The following ROBO1 variants were observed in gnomAD, a reference collection of about 807,000 sequenced individuals.
ROBO1 encodes the protein roundabout homolog 1.
Under a neutral mutation model 195.9 loss-of-function variants are expected in ROBO1, and 149 were observed. That is an observed-to-expected ratio of 0.76 (90% CI 0.67 to 0.87). The LOEUF is 0.87. Among genes scored for constraint, ROBO1 ranks in the 40% least tolerant of loss-of-function variants. ROBO1 has a pLI of 0.00. For missense variants in ROBO1, 1,933 were observed against 2,068.3 expected, an observed-to-expected ratio of 0.93 and a Z score of 1.27; for synonymous variants, 816 against 733.2, an observed-to-expected ratio of 1.11 and a Z score of -1.82.
chr3:78,819,993 G>A (rs901498920), intron 4 of ROBO1, among the ~76,000 whole-genome samples: 5 of 152,134 alleles, frequency 3.3e-5, no homozygotes, highest in African/African-American at 7.2e-5. Context: ...TCAGTTTTCC[G>A]TGTCTATAAA....
chr3:78,889,017 T>C (rs913827831), intron 4 of ROBO1, among the ~76,000 whole-genome samples: 3 of 152,156 alleles, frequency 2.0e-5, no homozygotes, highest in African/African-American at 7.2e-5. Flanking sequence ...ATGCCTTCTG[T>C]AGAAAGATAC....
At chr3:79,619,797 C>T (rs890140495) in intron 1 of ROBO1, among the ~76,000 whole-genome samples, 7 of 152,138 alleles carry the variant, frequency 4.6e-5, no homozygotes, top group Admixed American at 3.3e-4. Context: ...GGACAGAAAA[C>T]AGTCTTATTC....
At chr3:79,610,652 C>A (rs745944952) in intron 1 of ROBO1, among the ~76,000 whole-genome samples, 22 of 151,908 alleles carry the variant, frequency 1.4e-4, no homozygotes, top group Non-Finnish European at 3.1e-4. Flanking sequence ...GTTCTGTGAG[C>A]AAGCCTTCAG....
intron 2 of ROBO1, among the ~76,000 whole-genome samples, chr3:79,453,249 A>C (rs75456026): frequency 0.051 from 7,702 of 152,126 alleles, 533 homozygotes; most frequent in African/African-American, 0.15. Flanking sequence ...GCAACACCTG[A>C]GCCATCAAAT....
chr3:79,381,575 A>G (rs994041452), intron 2 of ROBO1, among the ~76,000 whole-genome samples: 2 of 151,702 alleles, frequency 1.3e-5, no homozygotes, highest in Non-Finnish European at 2.9e-5. Flanking sequence ...TTGAGCTGCC[A>G]CCTCCTATAT....
intron 1 of ROBO1, among the ~76,000 whole-genome samples, chr3:79,743,239 A>G (rs748804799): frequency 6.6e-6 from 1 of 152,190 alleles, no homozygotes; most frequent in Non-Finnish European, 1.5e-5. Flanking sequence ...AACATACCCT[A>G]TTGCTTCTAG....
chr3:78,772,568 C>T (rs2083402821), intron 4 of ROBO1, among the ~76,000 whole-genome samples: 1 of 151,912 alleles, frequency 6.6e-6, no homozygotes, highest in Non-Finnish European at 1.5e-5. Context: ...GATTTTTTTA[C>T]AGGTAAATCT....
chr3:78,884,949 G>T (rs1014547642), intron 4 of ROBO1, among the ~76,000 whole-genome samples: 1 of 150,678 alleles, frequency 6.6e-6, no homozygotes, highest in Non-Finnish European at 1.5e-5. Context: ...TTGTACGAAG[G>T]CTGCATGTTT....
At chr3:79,723,025 T>C (rs1702769774) in intron 1 of ROBO1, among the ~76,000 whole-genome samples, 1 of 152,206 alleles carries the variant, frequency 6.6e-6, no homozygotes, top group Admixed American at 6.5e-5. Context: ...AAATAGATAA[T>C]GTTTAAATAA....
chr3:78,672,140 G>T (rs1355959221), intron 10 of ROBO1, among the ~76,000 whole-genome samples: 1 of 152,114 alleles, frequency 6.6e-6, no homozygotes, highest in East Asian at 1.9e-4. Context: ...CTCAGGCAGG[G>T]TATTGTTATG....
At chr3:79,687,378 C>A (rs1479516562) in intron 1 of ROBO1, among the ~76,000 whole-genome samples, 1 of 152,098 alleles carries the variant, frequency 6.6e-6, no homozygotes, top group Admixed American at 6.6e-5. Context: ...CAAATGGGAT[C>A]TAATTAAACT....
intron 1 of ROBO1, among the ~76,000 whole-genome samples, chr3:79,715,271 T>C (rs943394567): frequency 6.6e-6 from 1 of 152,106 alleles, no homozygotes; most frequent in African/African-American, 2.4e-5. Flanking sequence ...TGTGTAAAAT[T>C]CTATCAAACA....
intron 1 of ROBO1, among the ~76,000 whole-genome samples, chr3:79,717,428 A>G (rs1438815957): frequency 6.6e-6 from 1 of 151,966 alleles, no homozygotes; most frequent in Non-Finnish European, 1.5e-5. Flanking sequence ...AAGTTTGTAG[A>G]CCCTGAACAA....
At chr3:78,776,487 T>C (rs1189742201) in intron 4 of ROBO1, among the ~76,000 whole-genome samples, 1 of 152,156 alleles carries the variant, frequency 6.6e-6, no homozygotes, top group Non-Finnish European at 1.5e-5. Context: ...TGACCTCACG[T>C]GATCCACCCA....
At position 79,708,107 on chromosome 3, in the gene ROBO1, G is replaced by A. The variant is rs79882053; in HGVS notation, c.-51+59645C>T. ...GCATATTGACCATTTTGCGTTAATGGCACTTGATAAACAGCAGGTACAACA... is the reference window on the plus strand; with the variant it reads ...GCATATTGACCATTTTGCGTTAATGACACTTGATAAACAGCAGGTACAACA... On this transcript the variant is annotated intron_variant, in intron 1 of 30. Coordinates refer to ENST00000464233, the MANE Select transcript of ROBO1 (RefSeq NM_002941.4). Among the ~76,000 whole-genome samples the A allele has an allele frequency of 0.01, 1,536 of 152,134 alleles. 97 individuals carry two copies. In the East Asian group the frequency reaches 0.16, roughly 16 times the overall value.
Position 79,391,719 on chromosome 3 carries a change from T to C in ROBO1, c.88+198105A>G, listed in dbSNP as rs567018578. Among the ~76,000 whole-genome samples the C allele has an allele frequency of 2.6e-5, 4 of 152,278 alleles. No homozygotes were observed. In the South Asian group the frequency reaches 8.3e-4, roughly 32 times the overall value. On this transcript the variant is annotated intron_variant, in intron 2 of 30. Coordinates refer to ENST00000464233, the MANE Select transcript of ROBO1 (RefSeq NM_002941.4). The stretch of plus-strand genomic sequence containing the variant: ...TATCGCTGATTTTATCACTAGGGGA[T>C]AAAAGCAACTGAAATATACTGTTAT...
chr3:79,713,488 A>G (rs1259104629), intron 1 of ROBO1, among the ~76,000 whole-genome samples: 1 of 152,154 alleles, frequency 6.6e-6, no homozygotes, highest in Non-Finnish European at 1.5e-5. Flanking sequence ...TGGGTTACTT[A>G]GAAGAGTTTA....
intron 1 of ROBO1, among the ~76,000 whole-genome samples, chr3:79,622,600 T>C (rs2107984479): frequency 6.6e-6 from 1 of 152,356 alleles, no homozygotes; most frequent in Admixed American, 6.5e-5. Context: ...GGCCTGACCC[T>C]GACCCATCCT....
At chr3:79,364,741 T>C (rs2035903118) in intron 2 of ROBO1, among the ~76,000 whole-genome samples, 1 of 152,186 alleles carries the variant, frequency 6.6e-6, no homozygotes, top group Non-Finnish European at 1.5e-5. Flanking sequence ...AAAAAAGGCA[T>C]TGACATCAAC....
Sources: allele counts gnomAD v4.1 joint callset (sites outside exome capture counted in the v4.1 genomes callset), GRCh38; gene constraint gnomAD v4.1.1; transcripts MANE v1.5; gene names NCBI Gene and HGNC (gene_info 2026-07-23, HGNC 2026-07-21).